Variants in AKAP6 observed in about 807,000 individuals in gnomAD.
AKAP6 encodes the protein A-kinase anchor protein 6.
Under a neutral mutation model 188.5 loss-of-function variants are expected in AKAP6, and 58 were observed. The observed-to-expected ratio is 0.31, with a 90% CI of 0.25 to 0.38. The LOEUF is 0.38. Among genes scored for constraint, AKAP6 ranks in the 10% least tolerant of loss-of-function variants. AKAP6 has a pLI of 1.00. For missense variants in AKAP6, 2,710 were observed against 2,740.0 expected (o/e 0.99, Z 0.24); for synonymous variants, 989 against 998.6 (o/e 0.99, Z 0.18).
Position 32,650,790 on chromosome 14 carries a change from A to G in AKAP6, c.2731-27521A>G, listed in dbSNP as rs182232622. ...ACCCTGTTTTGCGTTTACCTAGACTATGCATAGATTTTTAATACTTTGAGA... is the reference window on the plus strand; with the variant it reads ...ACCCTGTTTTGCGTTTACCTAGACTGTGCATAGATTTTTAATACTTTGAGA... On this transcript the variant is annotated intron_variant, in intron 7 of 13. Coordinates refer to ENST00000280979, the MANE Select transcript of AKAP6 (RefSeq NM_004274.5). Among the ~76,000 whole-genome samples the G allele has an allele frequency of 5.5e-4, 83 of 152,216 alleles. 2 individuals carry two copies. The highest frequency in any genetic ancestry group is 1.9e-4 in the Non-Finnish European group (13 of 68,004).
chr14:32,626,322 T>C (rs917624739), intron 7 of AKAP6, among the ~76,000 whole-genome samples: 7 of 152,058 alleles, frequency 4.6e-5, no homozygotes, highest in African/African-American at 9.7e-5. Flanking sequence ...TAGGGCCGAG[T>C]TATGTCACTG....
At chr14:32,768,620 T>G (rs2032790143) in intron 11 of AKAP6, among the ~76,000 whole-genome samples, 2 of 152,324 alleles carry the variant, frequency 1.3e-5, no homozygotes, top group South Asian at 4.1e-4. Flanking sequence ...CCTAGGCTCT[T>G]GGCTACCAGT....
At chr14:32,662,345 A>C (rs1385218231) in intron 7 of AKAP6, among the ~76,000 whole-genome samples, 1 of 152,080 alleles carries the variant, frequency 6.6e-6, no homozygotes, top group Non-Finnish European at 1.5e-5. Flanking sequence ...CCAATATAAA[A>C]CATGACTTCA....
chr14:32,617,569 G>A (rs902063736), intron 7 of AKAP6, among the ~76,000 whole-genome samples: 1 of 152,110 alleles, frequency 6.6e-6, no homozygotes, highest in Admixed American at 6.6e-5. Flanking sequence ...AATGCTTGTT[G>A]AGTGACAAAC....
At chr14:32,458,188 C>T (rs1478755478) in intron 2 of AKAP6, among the ~76,000 whole-genome samples, 1 of 152,112 alleles carries the variant, frequency 6.6e-6, no homozygotes, top group Admixed American at 6.5e-5. Context: ...GTAAAGTCTA[C>T]TTAGAAAAAA....
chr14:32,554,007 A>G (rs1484073513), intron 4 of AKAP6, among the ~76,000 whole-genome samples: 1 of 152,262 alleles, frequency 6.6e-6, no homozygotes, highest in Admixed American at 6.5e-5. Flanking sequence ...CAATAAGGAG[A>G]TAAAAGGGAA....
intron 2 of AKAP6, among the ~76,000 whole-genome samples, chr14:32,466,566 A>G (rs1449397250): frequency 6.6e-6 from 1 of 151,728 alleles, no homozygotes; most frequent in Non-Finnish European, 1.5e-5. Flanking sequence ...CACACACCAG[A>G]GCCTGTTGGG....
chr14:32,429,767 T>A (rs1890154421), intron 1 of AKAP6, among the ~76,000 whole-genome samples: 1 of 152,224 alleles, frequency 6.6e-6, no homozygotes, highest in South Asian at 2.1e-4. Context: ...TCTGATCAGT[T>A]GAATGTGGAA....
Position 32,336,920 on chromosome 14 carries a change from A to C in AKAP6, c.-35+7512A>C, listed in dbSNP as rs576963083. ...CACTGTTTATTCCTATTACATTAGC[A>C]TAAAAGTAGCCCATGGAAAACCAAA... On this transcript the variant is annotated intron_variant, in intron 1 of 13. Coordinates refer to ENST00000280979, the MANE Select transcript of AKAP6 (RefSeq NM_004274.5). Among the ~76,000 whole-genome samples, 5 of 152,304 alleles carry C rather than the reference A, an allele frequency of 3.3e-5. No homozygotes were observed. The East Asian group carries it at 9.7e-4, about 29-fold the overall frequency.
intron 9 of AKAP6, chr14:32,726,309 A>C: frequency 4.6e-6 from 3 of 655,806 alleles, no homozygotes; most frequent in Non-Finnish European, 3.8e-6. Flanking sequence ...AAGTACCCAA[A>C]TGAAGGGTTC....
chr14:32,812,611 T>G (rs1254838319), intron 12 of AKAP6, among the ~76,000 whole-genome samples: 1 of 152,204 alleles, frequency 6.6e-6, no homozygotes, highest in Non-Finnish European at 1.5e-5. Context: ...TCAAGTTACT[T>G]CTAGTGAAAC....
chr14:32,385,798 T>A (rs1209307581), intron 1 of AKAP6, among the ~76,000 whole-genome samples: 1 of 151,066 alleles, frequency 6.6e-6, no homozygotes, highest in African/African-American at 2.4e-5. Context: ...ATGTATATCA[T>A]ATATGATATA....
At chr14:32,385,604 T>C (rs1265281691) in intron 1 of AKAP6, among the ~76,000 whole-genome samples, 1 of 151,686 alleles carries the variant, frequency 6.6e-6, no homozygotes, top group Non-Finnish European at 1.5e-5. Flanking sequence ...TGTGTCATTC[T>C]TATGCCTTTG....
intron 7 of AKAP6, among the ~76,000 whole-genome samples, chr14:32,657,202 A>T (rs1056973867): frequency 6.6e-6 from 1 of 152,158 alleles, no homozygotes; most frequent in Non-Finnish European, 1.5e-5. Flanking sequence ...AACTTGGGGT[A>T]TGGCTTTGCA....
chr14:32,631,821 C>T (rs1001914496), intron 7 of AKAP6, among the ~76,000 whole-genome samples: 2 of 152,044 alleles, frequency 1.3e-5, no homozygotes, highest in Non-Finnish European at 2.9e-5. Context: ...ATATAATACA[C>T]TCTGGATGTG....
intron 2 of AKAP6, among the ~76,000 whole-genome samples, chr14:32,492,355 T>TATATATATATATAGAGAG: frequency 0.027 from 2,215 of 82,402 alleles, 70 homozygotes; most frequent in Non-Finnish European, 0.04. Context: ...TATATATATA[T>TATATATATATATAGAGAG]AGAGAGAGAG....
chr14:32,512,023 A>C (rs1490491062), intron 2 of AKAP6, among the ~76,000 whole-genome samples: 1 of 151,944 alleles, frequency 6.6e-6, no homozygotes, highest in Non-Finnish European at 1.5e-5. Context: ...TGTTTCTTTA[A>C]TTTTATTACT....
chr14:32,586,551 C>T (rs931752930), intron 5 of AKAP6, among the ~76,000 whole-genome samples: 6 of 152,102 alleles, frequency 3.9e-5, no homozygotes, highest in African/African-American at 9.7e-5. Flanking sequence ...TTCTTGAACC[C>T]GGAAGGCAGA....
At chr14:32,440,550 G>A (rs1455580827) in intron 2 of AKAP6, among the ~76,000 whole-genome samples, 1 of 151,636 alleles carries the variant, frequency 6.6e-6, no homozygotes, top group Non-Finnish European at 1.5e-5. Context: ...TTGAATCAAC[G>A]CCATAACAGT....
Sources: allele counts gnomAD v4.1 joint callset (sites outside exome capture counted in the v4.1 genomes callset), GRCh38; gene constraint gnomAD v4.1.1; transcripts MANE v1.5; gene names NCBI Gene and HGNC (gene_info 2026-07-23, HGNC 2026-07-21).